Variants in PCDHA6 observed in about 807,000 individuals in gnomAD.
PCDHA6 encodes the protein protocadherin alpha-6.
A neutral mutation model predicts 60.3 loss-of-function variants in PCDHA6; 55 were observed. The observed-to-expected ratio is 0.91, with a 90% confidence interval of 0.73 to 1.14. PCDHA6 has a LOEUF of 1.14. Among genes scored for constraint, PCDHA6 ranks in the 50% most tolerant of loss-of-function variants. PCDHA6 has a pLI of 0.00. For missense variants in PCDHA6, 1,327 were observed against 1,256.5 expected (o/e 1.06, Z -0.85); for synonymous variants, 652 against 557.9 (o/e 1.17, Z -2.38).
rs782691695 is a variant in PCDHA6, at chr5:140,863,160, G to C, written c.2394+32675G>C. The C allele has an allele frequency of 6.2e-6, 4 of 647,644 alleles. No individual in the cohort carries two copies. The Admixed American group carries it at 7.5e-5, about 12-fold the overall frequency. 40.1% of individuals were successfully genotyped at this position (647,644 alleles called of 1,614,324 possible). A position where few individuals can be genotyped will look rare whatever the true frequency, so the allele number is the denominator to read the frequency against. ...TGGTGCTGGTGAAGGACCACTGCGA[G>C]CTGGCGCTGACTGCCACCGTCACCG... On this transcript the variant is annotated intron_variant, in intron 1 of 3. Transcript: ENST00000529310.
intron 1 of PCDHA6, among the ~76,000 whole-genome samples, chr5:140,909,116 T>C (rs1273091505): frequency 6.6e-6 from 1 of 152,182 alleles, no homozygotes; most frequent in African/African-American, 2.4e-5. Context: ...ATCAGCAAAA[T>C]GTCATCAAGG....
At chr5:140,944,171 GT>G (rs1250322343) in intron 1 of PCDHA6, among the ~76,000 whole-genome samples, 1 of 152,008 alleles carries the variant, frequency 6.6e-6, no homozygotes, top group Non-Finnish European at 1.5e-5. Context: ...GCCAAGGCTG[GT>G]TTTTTGTTGG....
chr5:140,915,008 T>C (rs1201776517), intron 1 of PCDHA6, among the ~76,000 whole-genome samples: 1 of 150,866 alleles, frequency 6.6e-6, no homozygotes, highest in Non-Finnish European at 1.5e-5. Context: ...TGCAGTGGCC[T>C]GATCTTGGCT....
intron 1 of PCDHA6, among the ~76,000 whole-genome samples, chr5:140,972,657 CA>C (rs1342092810): frequency 2.8e-5 from 4 of 143,798 alleles, no homozygotes; most frequent in South Asian, 4.5e-4. Context: ...AAAAAGAAAC[CA>C]AATTTTTTTT....
chr5:140,968,405 G>C (rs2096244938), intron 1 of PCDHA6: 7 of 1,614,002 alleles, frequency 4.3e-6, no homozygotes, highest in Non-Finnish European at 5.9e-6. Flanking sequence ...GGAGTTCTTT[G>C]TGACTGTGGA....
chr5:140,841,694 G>C, intron 1 of PCDHA6: 1 of 1,613,934 alleles, frequency 6.2e-7, no homozygotes. Context: ...GGAGGTGAAG[G>C]ATGTTAATGA....
At chr5:140,962,543 G>T (rs962454688) in intron 1 of PCDHA6, among the ~76,000 whole-genome samples, 1 of 152,176 alleles carries the variant, frequency 6.6e-6, no homozygotes, top group Non-Finnish European at 1.5e-5. Flanking sequence ...AACTAAAAAT[G>T]TAGAGGATCT....
chr5:140,961,464 C>G (rs1364555316), intron 1 of PCDHA6, among the ~76,000 whole-genome samples: 1 of 152,126 alleles, frequency 6.6e-6, no homozygotes, highest in Non-Finnish European at 1.5e-5. Flanking sequence ...AGCTGCCTTT[C>G]TTTTTTTGTC....
intron 1 of PCDHA6, among the ~76,000 whole-genome samples, chr5:140,899,543 G>C (rs1231734616): frequency 1.3e-5 from 2 of 152,144 alleles, no homozygotes; most frequent in Non-Finnish European, 2.9e-5. Flanking sequence ...CTTGATCATG[G>C]TGGATAAGCT....
chr5:140,916,910 A>G (rs898370877), intron 1 of PCDHA6, among the ~76,000 whole-genome samples: 3 of 152,194 alleles, frequency 2.0e-5, no homozygotes, highest in African/African-American at 7.2e-5. Context: ...AAGTTTACCT[A>G]GAACCTCAGA....
At chr5:140,992,017 CTGTGTGTGTGTGTG>C (rs10602499) in intron 3 of PCDHA6, among the ~76,000 whole-genome samples, 7 of 145,626 alleles carry the variant, frequency 4.8e-5, no homozygotes, top group East Asian at 2.0e-4. Context: ...AGAGGTGGCT[CTGTGTGTGTGTGTG>C]TGTGTGTGTG....
intron 1 of PCDHA6, chr5:140,926,589 G>T (rs929081687): frequency 1.7e-5 from 5 of 292,778 alleles, no homozygotes; most frequent in Non-Finnish European, 2.5e-5. Flanking sequence ...TCTCGCGCCC[G>T]GGCGGGCGGC....
chr5:140,904,857 T>G (rs1223482596), intron 1 of PCDHA6, among the ~76,000 whole-genome samples: 1 of 152,190 alleles, frequency 6.6e-6, no homozygotes, highest in Non-Finnish European at 1.5e-5. Context: ...CTGAGAATTG[T>G]CTGTTTATGT....
chr5:140,857,702 G>T (rs2044803207), intron 1 of PCDHA6: 1 of 1,597,298 alleles, frequency 6.3e-7, no homozygotes, highest in African/African-American at 1.3e-5. Flanking sequence ...GACGCTGCAG[G>T]TGTTCGTGCT....
In PCDHA6 at chr5:140,979,019, C is replaced by T; in HGVS notation, c.2453+12C>T. On this transcript the variant is annotated intron_variant, in intron 2 of 3. Coordinates refer to ENST00000529310, the MANE Select transcript of PCDHA6 (RefSeq NM_018909.4). ...GCAGGCATGCACAGGTATGTATTTC[C>T]CTCCTCATTCACTCAGAAGTAACCT... 1 of 1,613,662 alleles carries T rather than the reference C, an allele frequency of 6.2e-7. No individual in the cohort carries two copies. Among genetic ancestry groups the T allele is most frequent in the South Asian group, 1.1e-5 (1 of 90,910 alleles).
At chr5:140,892,144 G>A (rs549500463) in intron 1 of PCDHA6, among the ~76,000 whole-genome samples, 45 of 152,220 alleles carry the variant, frequency 3.0e-4, no homozygotes, top group African/African-American at 1.1e-3. Context: ...TGGTTTTAGC[G>A]TCTATTTCTG....
At position 140,855,909 on chromosome 5, in the gene PCDHA6, A is replaced by C. The variant is rs1554148009; in HGVS notation, c.2394+25424A>C. The stretch of plus-strand genomic sequence containing the variant: ...GAACAAAGGCATCAGCCAGTTTCTC[A>C]AGGACTAGGAAGTAGCGTCATTCTG... On this transcript the variant is annotated intron_variant, in intron 1 of 3. Coordinates refer to ENST00000529310, the MANE Select transcript of PCDHA6 (RefSeq NM_018909.4). The C allele has an allele frequency of 6.1e-6, 7 of 1,151,572 alleles. 1 individual carries two copies. The highest frequency in any genetic ancestry group is 4.6e-5 in the African/African-American group (3 of 65,014). 71.3% of individuals were successfully genotyped at this position (1,151,572 alleles called of 1,614,324 possible). A position where few individuals can be genotyped will look rare whatever the true frequency, so the allele number is the denominator to read the frequency against.
chr5:140,856,831 A>G, intron 1 of PCDHA6: 1 of 1,591,946 alleles, frequency 6.3e-7, no homozygotes, highest in African/African-American at 1.3e-5. Flanking sequence ...CATTAGTAAT[A>G]CGGCTCAACG....
chr5:140,953,464 T>C (rs2094890309), intron 1 of PCDHA6, among the ~76,000 whole-genome samples: 1 of 152,142 alleles, frequency 6.6e-6, no homozygotes. Flanking sequence ...GTCAGAGTTT[T>C]AACTTCCTCA....
Sources: allele counts gnomAD v4.1 joint callset (sites outside exome capture counted in the v4.1 genomes callset), GRCh38; gene constraint gnomAD v4.1.1; transcripts MANE v1.5; gene names NCBI Gene and HGNC (gene_info 2026-07-23, HGNC 2026-07-21).